GALNT10: variants seen among roughly 807,000 people sequenced by gnomAD.
GALNT10 encodes polypeptide N-acetylgalactosaminyltransferase 10.
A neutral mutation model predicts 75.0 loss-of-function variants in GALNT10; 41 were observed. The observed-to-expected ratio is 0.55, with a 90% CI of 0.43 to 0.71. The LOEUF is 0.71. Among genes scored for constraint, GALNT10 ranks in the 30% least tolerant of loss-of-function variants. GALNT10 has a pLI of 0.00. For missense variants in GALNT10, 727 were observed against 818.5 expected, an observed-to-expected ratio of 0.89 and a Z score of 1.36; for synonymous variants, 302 against 313.0, an observed-to-expected ratio of 0.96 and a Z score of 0.37.
chr5:154,394,553 C>T (rs1025438452), intron 7 of GALNT10, among the ~76,000 whole-genome samples: 1 of 152,132 alleles, frequency 6.6e-6, no homozygotes, highest in East Asian at 1.9e-4. Flanking sequence ...CAGTGCTCAT[C>T]TCATTCCGCC....
chr5:154,247,145 C>A (rs1753439796), intron 1 of GALNT10, among the ~76,000 whole-genome samples: 1 of 152,134 alleles, frequency 6.6e-6, no homozygotes, highest in African/African-American at 2.4e-5. Flanking sequence ...TTTCTGAGGG[C>A]ACTGTTCTGT....
intron 4 of GALNT10, among the ~76,000 whole-genome samples, chr5:154,372,999 C>T (rs1325601262): frequency 6.6e-6 from 1 of 152,146 alleles, no homozygotes; most frequent in African/African-American, 2.4e-5. Flanking sequence ...AAAAACAGTT[C>T]TGTGCTGTTT....
At chr5:154,385,334 C>T (rs971124870) in intron 6 of GALNT10, among the ~76,000 whole-genome samples, 1 of 152,152 alleles carries the variant, frequency 6.6e-6, no homozygotes, top group Non-Finnish European at 1.5e-5. Flanking sequence ...CGGTGCCAGG[C>T]GGACTTCCTG....
chr5:154,276,721 A>C (rs1440936698), intron 1 of GALNT10, among the ~76,000 whole-genome samples: 1 of 152,204 alleles, frequency 6.6e-6, no homozygotes, highest in Non-Finnish European at 1.5e-5. Flanking sequence ...ATGTATATAA[A>C]TGGCTATAGT....
intron 3 of GALNT10, among the ~76,000 whole-genome samples, chr5:154,324,305 C>T (rs963653970): frequency 6.6e-6 from 1 of 152,206 alleles, no homozygotes; most frequent in African/African-American, 2.4e-5. Flanking sequence ...CCCTAGACAG[C>T]CTTGCTGAAG....
intron 1 of GALNT10, among the ~76,000 whole-genome samples, chr5:154,285,680 T>C (rs1038363845): frequency 6.6e-6 from 1 of 152,204 alleles, no homozygotes; most frequent in Non-Finnish European, 1.5e-5. Flanking sequence ...ACCACTGTGA[T>C]AGCCTCCTTC....
chr5:154,210,964 G>T (rs987445041), intron 1 of GALNT10, among the ~76,000 whole-genome samples: 2 of 152,254 alleles, frequency 1.3e-5, no homozygotes, highest in Admixed American at 1.3e-4. Context: ...GTAGATGGGG[G>T]AGAGGGAGAG....
intron 1 of GALNT10, among the ~76,000 whole-genome samples, chr5:154,235,677 TC>T (rs1753234689): frequency 6.6e-6 from 1 of 152,208 alleles, no homozygotes; most frequent in African/African-American, 2.4e-5. Context: ...ATCACTTTGA[TC>T]CTCAATTTCT....
At chr5:154,225,061 C>T (rs1427629984) in intron 1 of GALNT10, among the ~76,000 whole-genome samples, 4 of 151,566 alleles carry the variant, frequency 2.6e-5, no homozygotes, top group Admixed American at 6.6e-5. Context: ...GCATTACAGG[C>T]GTGAGCCACC....
In GALNT10 at chr5:154,191,167, G is replaced by A. The variant is rs575347487; in HGVS notation, c.159+142G>A. ...TCAGCTCTTCCCATTTTCCGGATGG[G>A]AAAATTAAGTCCTGTCGGGACTTGT... On this transcript the variant is annotated intron_variant, in intron 1 of 11. Coordinates refer to ENST00000297107, the MANE Select transcript of GALNT10 (RefSeq NM_198321.4). 982 of 572,606 alleles carry A rather than the reference G, an allele frequency of 1.7e-3. 1 individual carries two copies. Among genetic ancestry groups the A allele is most frequent in the Admixed American group, 4.2e-3 (100 of 24,006 alleles). The allele number at this position is 572,606 out of a possible 1,614,324, so 35.5% of individuals were successfully genotyped here. A position where few individuals can be genotyped will look rare whatever the true frequency, so the allele number is the denominator to read the frequency against.
chr5:154,247,815 C>A (rs1193810113), intron 1 of GALNT10, among the ~76,000 whole-genome samples: 1 of 152,182 alleles, frequency 6.6e-6, no homozygotes, highest in Non-Finnish European at 1.5e-5. Context: ...CTTTCTCCTG[C>A]CTGATTGCCC....
At chr5:154,246,012 T>A (rs1259225334) in intron 1 of GALNT10, among the ~76,000 whole-genome samples, 1 of 148,476 alleles carries the variant, frequency 6.7e-6, no homozygotes, top group Non-Finnish European at 1.5e-5. Context: ...CCTGTGTCCA[T>A]GTGTTCTCAT....
At chr5:154,403,751 T>C in intron 7 of GALNT10, 2 of 321,190 alleles carry the variant, frequency 6.2e-6, no homozygotes, top group South Asian at 5.6e-5. Flanking sequence ...AAATTTTGGC[T>C]CCACCACTTA....
At chr5:154,263,924 A>G (rs1446623718) in intron 1 of GALNT10, among the ~76,000 whole-genome samples, 33 of 152,224 alleles carry the variant, frequency 2.2e-4, no homozygotes, top group Non-Finnish European at 8.8e-5. Context: ...CTGAAATTAG[A>G]TAGCGTTGAT....
intron 2 of GALNT10, among the ~76,000 whole-genome samples, chr5:154,297,155 G>A (rs1754288283): frequency 6.6e-6 from 1 of 152,066 alleles, no homozygotes; most frequent in Non-Finnish European, 1.5e-5. Context: ...ATGCACCTGG[G>A]AACCTAGAGA....
At chr5:154,302,066 G>A (rs1207069090) in intron 3 of GALNT10, among the ~76,000 whole-genome samples, 1 of 152,170 alleles carries the variant, frequency 6.6e-6, no homozygotes, top group Non-Finnish European at 1.5e-5. Flanking sequence ...TTTTTCCAGA[G>A]GGGAATCTTT....
intron 4 of GALNT10, among the ~76,000 whole-genome samples, chr5:154,336,426 G>A (rs753080172): frequency 2.0e-4 from 30 of 152,304 alleles, no homozygotes; most frequent in Admixed American, 3.9e-4. Flanking sequence ...CTTCCAAAGT[G>A]GCTGTACCAT....
At chr5:154,354,936 A>G (rs531603783) in intron 4 of GALNT10, among the ~76,000 whole-genome samples, 1 of 152,294 alleles carries the variant, frequency 6.6e-6, no homozygotes, top group South Asian at 2.1e-4. Context: ...CTCCAAGTCC[A>G]TGTGATAAAT....
intron 1 of GALNT10, among the ~76,000 whole-genome samples, chr5:154,260,160 T>C (rs566252957): frequency 6.6e-6 from 1 of 152,264 alleles, no homozygotes; most frequent in African/African-American, 2.4e-5. Context: ...CTATTTCTCC[T>C]CTGAGAAGCA....
Sources: allele counts gnomAD v4.1 joint callset (sites outside exome capture counted in the v4.1 genomes callset), GRCh38; gene constraint gnomAD v4.1.1; transcripts MANE v1.5; gene names NCBI Gene and HGNC (gene_info 2026-07-23, HGNC 2026-07-21).